The following GPC6 variants were observed in gnomAD, a reference collection of about 807,000 sequenced individuals.
The protein encoded by GPC6 is glypican-6.
Under a neutral mutation model 55.2 loss-of-function variants are expected in GPC6, and 14 were observed. That is an observed-to-expected ratio of 0.25 (90% CI 0.17 to 0.40). GPC6 has a LOEUF of 0.40. Among genes scored for constraint, GPC6 ranks in the 10% least tolerant of loss-of-function variants. The pLI is 1.00. For missense variants in GPC6, 641 were observed against 708.5 expected (o/e 0.90, Z 1.08); for synonymous variants, 278 against 259.6 (o/e 1.07, Z -0.68).
chr13:94,058,116 C>T (rs187743535), intron 4 of GPC6, among the ~76,000 whole-genome samples: 38 of 152,234 alleles, frequency 2.5e-4, no homozygotes, highest in African/African-American at 8.9e-4. Flanking sequence ...TTTGCCTTTA[C>T]GGAAGTAAGA....
chr13:93,289,485 G>A (rs914282203), intron 1 of GPC6, among the ~76,000 whole-genome samples: 6 of 152,052 alleles, frequency 3.9e-5, no homozygotes, highest in South Asian at 2.1e-4. Flanking sequence ...GAAAAGTGTC[G>A]ATCTCTTTTT....
At chr13:93,613,100 C>A (rs1878556996) in intron 2 of GPC6, among the ~76,000 whole-genome samples, 1 of 152,116 alleles carries the variant, frequency 6.6e-6, no homozygotes, top group Admixed American at 6.6e-5. Context: ...AAAGGAGCTG[C>A]CAGTGATATG....
chr13:93,504,756 AC>A (rs982822056), intron 1 of GPC6, among the ~76,000 whole-genome samples: 26 of 152,172 alleles, frequency 1.7e-4, no homozygotes, highest in African/African-American at 6.3e-4. Context: ...TCTAAAAAAA[AC>A]AACAACATTG....
intron 1 of GPC6, among the ~76,000 whole-genome samples, chr13:93,372,318 T>A (rs1209307904): frequency 1.5e-5 from 1 of 65,518 alleles, no homozygotes; most frequent in African/African-American, 3.2e-5. Flanking sequence ...ATGAGTTTGC[T>A]TGGTCTTGGC....
intron 2 of GPC6, among the ~76,000 whole-genome samples, chr13:93,689,894 T>G (rs957021821): frequency 6.6e-6 from 1 of 152,148 alleles, no homozygotes; most frequent in Non-Finnish European, 1.5e-5. Flanking sequence ...GTGTCTTAGA[T>G]TAGTCATTCA....
intron 4 of GPC6, among the ~76,000 whole-genome samples, chr13:94,164,566 C>G (rs555804912): frequency 6.6e-6 from 1 of 152,294 alleles, no homozygotes; most frequent in South Asian, 2.1e-4. Context: ...AAGTCACATC[C>G]AGTTAAATTT....
chr13:94,208,826 G>A (rs1889985370), intron 4 of GPC6, among the ~76,000 whole-genome samples: 1 of 151,420 alleles, frequency 6.6e-6, no homozygotes. Context: ...CGCTGAAGCG[G>A]GAGGATCCCT....
intron 1 of GPC6, among the ~76,000 whole-genome samples, chr13:93,524,067 T>C (rs1594235718): frequency 6.6e-6 from 1 of 151,968 alleles, no homozygotes; most frequent in Non-Finnish European, 1.5e-5. Context: ...TCAAACAAAT[T>C]GCATGTAAAT....
intron 3 of GPC6, among the ~76,000 whole-genome samples, chr13:93,898,540 C>G (rs148019731): frequency 2.0e-5 from 3 of 151,978 alleles, no homozygotes; most frequent in African/African-American, 7.3e-5. Context: ...GATTAATCAG[C>G]GGACTGTAAC....
At chr13:94,375,544 T>G (rs1381141757) in intron 6 of GPC6, among the ~76,000 whole-genome samples, 1 of 151,782 alleles carries the variant, frequency 6.6e-6, no homozygotes, top group Non-Finnish European at 1.5e-5. Flanking sequence ...TCTGAAATTG[T>G]GGCAATAATC....
intron 1 of GPC6, among the ~76,000 whole-genome samples, chr13:93,466,511 G>T (rs1347534527): frequency 6.6e-6 from 1 of 152,162 alleles, no homozygotes; most frequent in Admixed American, 6.5e-5. Context: ...TGAATGAGTC[G>T]AGGAATTGTG....
Position 93,245,967 on chromosome 13 carries a change from A to G in GPC6, c.160+18351A>G, listed in dbSNP as rs139413945. Among the ~76,000 whole-genome samples the G allele has an allele frequency of 1.5e-4, 23 of 152,306 alleles. 1 individual carries two copies. The East Asian group carries it at 4.4e-3, about 29-fold the overall frequency. On this transcript the variant is annotated intron_variant, in intron 1 of 8. Coordinates refer to ENST00000377047, the MANE Select transcript of GPC6 (RefSeq NM_005708.5). ...AATGGGAAATGGGCAATGGCATTTC[A>G]GGTTTCTTTCACCACAGGATCCTAT...
chr13:93,582,187 C>G (rs1230638273), intron 2 of GPC6, among the ~76,000 whole-genome samples: 1 of 152,094 alleles, frequency 6.6e-6, no homozygotes, highest in Non-Finnish European at 1.5e-5. Context: ...AAATCTTTTG[C>G]CAACAATAAA....
At chr13:93,653,834 A>G (rs1657126857) in intron 2 of GPC6, among the ~76,000 whole-genome samples, 1 of 152,154 alleles carries the variant, frequency 6.6e-6, no homozygotes, top group Non-Finnish European at 1.5e-5. Context: ...AGTTACTTAT[A>G]ATTTTACCTC....
chr13:93,352,405 A>G (rs1245130217), intron 1 of GPC6, among the ~76,000 whole-genome samples: 1 of 152,230 alleles, frequency 6.6e-6, no homozygotes, highest in Non-Finnish European at 1.5e-5. Flanking sequence ...ATGGTAGTTT[A>G]TAATTTCTTA....
intron 4 of GPC6, among the ~76,000 whole-genome samples, chr13:94,237,342 TCTC>T (rs995980650): frequency 1.3e-5 from 2 of 152,050 alleles, no homozygotes; most frequent in Admixed American, 1.3e-4. Context: ...CTTTCTTCCT[TCTC>T]CTCTTCCTTC....
chr13:94,225,672 T>C lies in GPC6; in HGVS notation c.878-60677T>C, dbSNP rs537519090. The stretch of plus-strand genomic sequence containing the variant: ...TATGTGTGTGTGTAAAGTATACACA[T>C]ATATATATATATATATAAACTGTAT... On this transcript the variant is annotated intron_variant, in intron 4 of 8. Transcript: ENST00000377047. Among the ~76,000 whole-genome samples, 38 of 122,278 alleles carry C rather than the reference T, an allele frequency of 3.1e-4. No homozygotes were observed. The East Asian group carries it at 5.9e-3, about 19-fold the overall frequency. The allele number at this position is 122,278 out of a possible 152,430, so 80.2% of individuals were successfully genotyped here.
intron 2 of GPC6, among the ~76,000 whole-genome samples, chr13:93,673,821 A>G (rs772702154): frequency 2.0e-5 from 3 of 152,090 alleles, no homozygotes; most frequent in Non-Finnish European, 4.4e-5. Context: ...TTGGCTTTTC[A>G]ATTTTTATTT....
At chr13:94,035,810 A>C (rs1201201933) in intron 4 of GPC6, among the ~76,000 whole-genome samples, 3 of 152,026 alleles carry the variant, frequency 2.0e-5, no homozygotes, top group African/African-American at 4.8e-5. Context: ...GTGTGGATAT[A>C]TATATATTTC....
Sources: allele counts gnomAD v4.1 joint callset (sites outside exome capture counted in the v4.1 genomes callset), GRCh38; gene constraint gnomAD v4.1.1; transcripts MANE v1.5; gene names NCBI Gene and HGNC (gene_info 2026-07-23, HGNC 2026-07-21).